The following FOXP2 variants were observed in gnomAD, a reference collection of about 807,000 sequenced individuals.
FOXP2 encodes forkhead box protein P2.
In FOXP2, 12 loss-of-function variants were observed where a neutral mutation model predicts 115.8. The observed-to-expected ratio is 0.10, with a 90% CI of 0.07 to 0.17. The LOEUF (loss-of-function observed/expected upper bound fraction) is 0.17. FOXP2 is among the 10% of genes least tolerant of loss of function. The pLI, the probability that FOXP2 is intolerant of heterozygous loss-of-function variation, is 1.00. For synonymous variants in FOXP2, 328 were observed against 297.7 expected (o/e 1.10, Z -1.05); for missense variants, 629 against 843.5 (o/e 0.75, Z 3.15).
intron 1 of FOXP2, among the ~76,000 whole-genome samples, chr7:114,139,811 T>G (rs1042566724): frequency 1.3e-5 from 2 of 152,124 alleles, no homozygotes; most frequent in African/African-American, 4.8e-5. Context: ...AAACATTAAA[T>G]CAAGATTGTA....
chr7:114,637,746 G>T (rs762785594), intron 6 of FOXP2, among the ~76,000 whole-genome samples: 11 of 152,086 alleles, frequency 7.2e-5, no homozygotes, highest in Non-Finnish European at 1.6e-4. Context: ...AGTAACAATA[G>T]GAAAATGGGG....
chr7:114,157,334 C>T (rs918997028), intron 1 of FOXP2, among the ~76,000 whole-genome samples: 1 of 151,912 alleles, frequency 6.6e-6, no homozygotes, highest in African/African-American at 2.4e-5. Flanking sequence ...GTAGCTTATT[C>T]CTGGCTAAGA....
intron 2 of FOXP2, among the ~76,000 whole-genome samples, chr7:114,376,504 G>T (rs2129190596): frequency 6.6e-6 from 1 of 152,304 alleles, no homozygotes; most frequent in South Asian, 2.1e-4. Flanking sequence ...AAAAGTCACA[G>T]AATTTCTGCC....
chr7:114,508,747 A>G (rs1033331393), intron 2 of FOXP2, among the ~76,000 whole-genome samples: 1 of 152,094 alleles, frequency 6.6e-6, no homozygotes, highest in Non-Finnish European at 1.5e-5. Flanking sequence ...TCTGGGCTAA[A>G]CTTTAAGAAT....
intron 1 of FOXP2, among the ~76,000 whole-genome samples, chr7:114,176,216 CTTGTCTTGTCTTGTCT>C (rs1247856671): frequency 8.4e-4 from 124 of 147,770 alleles, no homozygotes; most frequent in African/African-American, 3.1e-3. Context: ...CTTGTCTTGT[CTTGTCTTGTCTTGTCT>C]TTTCTTTCTT....
At chr7:114,312,023 C>T (rs1235703242) in intron 2 of FOXP2, among the ~76,000 whole-genome samples, 2 of 152,084 alleles carry the variant, frequency 1.3e-5, no homozygotes, top group Non-Finnish European at 2.9e-5. Flanking sequence ...GCAGCAGAAG[C>T]CAGATACGTG....
rs1802920675 is a variant in FOXP2, at chr7:114,599,719, CA to C, written c.259-28820del. Reference sequence around the variant, plus strand: ...GTAGTGACAGTCCTTTTCTCAGTTCCAGTACTGGTTATTTCTGTCTTTTTTT... The same window carrying C: ...GTAGTGACAGTCCTTTTCTCAGTTCCGTACTGGTTATTTCTGTCTTTTTTT... On this transcript the variant is annotated intron_variant, in intron 3 of 16. Coordinates refer to ENST00000350908, the MANE Select transcript of FOXP2 (RefSeq NM_014491.4). Among the ~76,000 whole-genome samples, 4 of 152,146 alleles carry C rather than the reference CA, an allele frequency of 2.6e-5. No individual in the cohort carries two copies. The South Asian group carries it at 8.3e-4, about 32-fold the overall frequency.
intron 1 of FOXP2, 76 bp from the exon 2 acceptor site, chr7:114,426,426 G>T: frequency 7.4e-7 from 1 of 1,344,812 alleles, no homozygotes; most frequent in Non-Finnish European, 1.1e-6. Context: ...CTCTGTAATT[G>T]GCAGAGAGGG....
intron 3 of FOXP2, chr7:114,570,693 C>T: frequency 1.3e-6 from 1 of 778,078 alleles, no homozygotes; most frequent in East Asian, 2.6e-5. Flanking sequence ...CCTATTTTGA[C>T]CTACCAAGAT....
At chr7:114,568,366 T>G (rs932916754) in intron 3 of FOXP2, among the ~76,000 whole-genome samples, 3 of 151,624 alleles carry the variant, frequency 2.0e-5, no homozygotes, top group Non-Finnish European at 4.4e-5. Context: ...GTATATACTG[T>G]GTACCAATCC....
At chr7:114,519,051 C>T (rs1269568936) in intron 2 of FOXP2, among the ~76,000 whole-genome samples, 3 of 152,128 alleles carry the variant, frequency 2.0e-5, no homozygotes, top group Non-Finnish European at 4.4e-5. Context: ...AATGTTACTG[C>T]CCTGTAGATA....
intron 3 of FOXP2, chr7:114,570,780 A>T: frequency 6.3e-7 from 1 of 1,590,178 alleles, no homozygotes; most frequent in South Asian, 1.1e-5. Flanking sequence ...AAAAAAGCCA[A>T]CTCCTGATTC....
chr7:114,350,605 C>T (rs1196317832), intron 2 of FOXP2, among the ~76,000 whole-genome samples: 1 of 151,950 alleles, frequency 6.6e-6, no homozygotes, highest in East Asian at 1.9e-4. Context: ...TTTCAGGAGT[C>T]CTTCAATAAA....
At chr7:114,376,488 T>A (rs1165664662) in intron 2 of FOXP2, among the ~76,000 whole-genome samples, 1 of 152,220 alleles carries the variant, frequency 6.6e-6, no homozygotes, top group Non-Finnish European at 1.5e-5. Context: ...CACCATTCTT[T>A]CCGTAAAAAG....
intron 1 of FOXP2, among the ~76,000 whole-genome samples, chr7:114,138,578 A>G (rs1414608195): frequency 6.6e-6 from 1 of 151,960 alleles, no homozygotes; most frequent in Non-Finnish European, 1.5e-5. Context: ...TTTTTTGTAG[A>G]GATGGGGTTT....
upstream of FOXP2, chr7:114,086,600 TC>T (rs1197181623): frequency 2.5e-6 from 1 of 406,890 alleles, no homozygotes; most frequent in Admixed American, 2.8e-5. Flanking sequence ...GCCCACGGCG[TC>T]CCCGGTCGCG....
At chr7:114,578,973 T>C (rs1801707545) in intron 3 of FOXP2, among the ~76,000 whole-genome samples, 1 of 152,198 alleles carries the variant, frequency 6.6e-6, no homozygotes, top group East Asian at 1.9e-4. Context: ...TAGTTTCTAA[T>C]TGTTAAAAGA....
At chr7:114,581,186 T>C (rs1801849063) in intron 3 of FOXP2, among the ~76,000 whole-genome samples, 1 of 148,058 alleles carries the variant, frequency 6.8e-6, no homozygotes, top group Admixed American at 6.7e-5. Flanking sequence ...TATTTATTTA[T>C]TTATTTATTT....
intron 2 of FOXP2, among the ~76,000 whole-genome samples, chr7:114,403,594 T>C (rs956819749): frequency 3.0e-4 from 45 of 152,202 alleles, no homozygotes; most frequent in African/African-American, 1.0e-3. Flanking sequence ...TTCTGTGGAA[T>C]AGTCTATAAG....
Sources: allele counts gnomAD v4.1 joint callset (sites outside exome capture counted in the v4.1 genomes callset), GRCh38; gene constraint gnomAD v4.1.1; transcripts MANE v1.5; gene names NCBI Gene and HGNC (gene_info 2026-07-23, HGNC 2026-07-21).